AARS1: variants seen among roughly 807,000 people sequenced by gnomAD.
The protein encoded by AARS1 is alanine--tRNA ligase, cytoplasmic.
In AARS1, 72 loss-of-function variants were observed where a neutral mutation model predicts 108.9. The ratio of observed to expected loss-of-function variants is 0.66; its 90% CI spans 0.55 to 0.80. AARS1 has a LOEUF of 0.80. AARS1 is among the 30% of genes least tolerant of loss of function. AARS1 has a pLI of 0.00. For missense variants in AARS1, 1,193 were observed against 1,233.2 expected (o/e 0.97, Z 0.49); for synonymous variants, 489 against 465.7 (o/e 1.05, Z -0.64).
intron 1 of AARS1, 120 bp from the exon 2 acceptor site, chr16:70,282,904 C>A: frequency 2.2e-6 from 2 of 922,774 alleles, no homozygotes; most frequent in East Asian, 2.5e-5. Context: ...CTGTTTGATC[C>A]TAAAACCTCT....
At position 70,271,402 on chromosome 16, in the gene AARS1, C is replaced by T. The variant is rs533068570; in HGVS notation, c.671+379G>A. 2.0e-5 allele frequency among the ~76,000 whole-genome samples: 3 copies of T among 150,816 alleles called. No individual in the cohort carries two copies. In the South Asian group the frequency reaches 6.3e-4, roughly 32 times the overall value. ...AATTAGCCGGGCGTGGTGGCACATG[C>T]CTGTAATCCCAGCTACTCGGAAGGC... On this transcript the variant is annotated intron_variant, in intron 5 of 20. Coordinates refer to ENST00000261772, the MANE Select transcript of AARS1 (RefSeq NM_001605.3).
At chr16:70,288,667 A>C (rs772875356) in intron 1 of AARS1, among the ~76,000 whole-genome samples, 41 of 151,106 alleles carry the variant, frequency 2.7e-4, no homozygotes, top group Non-Finnish European at 4.4e-4. Flanking sequence ...GCCGGGTTCA[A>C]GCGATTCTCA....
Position 70,277,875 on chromosome 16 carries a change from C to G in AARS1, c.145-721G>C, listed in dbSNP as rs564530928. ...TCAAGCGATTCTCTTGCCTCAGCCTCCCAAGTAGCTGAGATTACAGGCACG... is the reference window on the plus strand; with the variant it reads ...TCAAGCGATTCTCTTGCCTCAGCCTGCCAAGTAGCTGAGATTACAGGCACG... On this transcript the variant is annotated intron_variant, in intron 2 of 20. Transcript: ENST00000261772. 7.2e-5 allele frequency among the ~76,000 whole-genome samples: 11 copies of G among 152,052 alleles called. No homozygotes were observed. In the East Asian group the frequency reaches 1.6e-3, roughly 21 times the overall value.
At chr16:70,278,541 G>A (rs867927296) in intron 2 of AARS1, among the ~76,000 whole-genome samples, 2 of 151,436 alleles carry the variant, frequency 1.3e-5, no homozygotes, top group African/African-American at 4.8e-5. Flanking sequence ...CTCCAGCCTG[G>A]GCTACAGAGT....
chr16:70,277,232 G>A lies in AARS1; in HGVS notation c.145-78C>T, dbSNP rs1960572743. On this transcript the variant is annotated intron_variant, in intron 2 of 20. Transcript: ENST00000261772. Reference sequence around the variant, plus strand: ...TGGCCACACACTAGCAGGAAGAGACGACCACACACTAACTGTGCAGTTCAT... The same window carrying A: ...TGGCCACACACTAGCAGGAAGAGACAACCACACACTAACTGTGCAGTTCAT... 1.4e-5 allele frequency: 19 copies of A among 1,358,934 alleles called. No homozygotes were observed. In the Admixed American group the frequency reaches 1.5e-4, roughly 11 times the overall value. The allele number at this position is 1,358,934 out of a possible 1,614,324, so 84.2% of individuals were successfully genotyped here.
intron 4 of AARS1, among the ~76,000 whole-genome samples, chr16:70,272,889 G>GACAC (rs71928705): frequency 0.036 from 5,086 of 140,302 alleles, 119 homozygotes; most frequent in East Asian, 0.076. Context: ...CAGCCTGGGT[G>GACAC]ACACACACAC....
intron 2 of AARS1, among the ~76,000 whole-genome samples, chr16:70,280,839 C>T (rs1242554373): frequency 6.6e-6 from 1 of 151,892 alleles, no homozygotes; most frequent in Admixed American, 6.6e-5. Context: ...CTTTTCTTTC[C>T]TTTTTTGAGA....
At position 70,278,432 on chromosome 16, in the gene AARS1, G is replaced by C. The variant is rs57281906; in HGVS notation, c.145-1278C>G. ...AATGCAAAATTAGCCAGCCATGGTG[G>C]TGCACGCCTGTAATTCCAGCTACTC... On this transcript the variant is annotated intron_variant, in intron 2 of 20. Coordinates refer to ENST00000261772, the MANE Select transcript of AARS1 (RefSeq NM_001605.3). 7.7e-3 allele frequency among the ~76,000 whole-genome samples: 1,176 copies of C among 151,802 alleles called. 15 individuals are homozygous for C. The highest frequency in any genetic ancestry group is 0.027 in the African/African-American group (1,103 of 41,404).
chr16:70,257,543 G>C (rs1341695566), intron 15 of AARS1, among the ~76,000 whole-genome samples: 1 of 152,196 alleles, frequency 6.6e-6, no homozygotes. Flanking sequence ...TGGCAGAAGT[G>C]GCTATCCCAA....
intron 11 of AARS1, 83 bp from the exon 12 acceptor site, chr16:70,262,607 C>G: frequency 7.5e-7 from 1 of 1,331,840 alleles, no homozygotes; most frequent in East Asian, 2.4e-5. Context: ...GCTGGATTCT[C>G]TTTCGCAAAC....
chr16:70,271,902 A>C lies in AARS1; in HGVS notation c.550T>G (p.Cys184Gly). Residue 184 changes from cysteine to glycine, a missense_variant, in exon 5 of 21, where the codon TGT becomes GGT. Coordinates refer to ENST00000261772, the MANE Select transcript of AARS1 (RefSeq NM_001605.3). Reference sequence around the variant, plus strand: ...TAGTGGATCTCACTGCAAGGACCACAGGGGCCCGTGTCACCCATCTCCCAG... The same window carrying C: ...TAGTGGATCTCACTGCAAGGACCACCGGGGCCCGTGTCACCCATCTCCCAG... ...NFWEMGDTGPCGPCSEIHYDR... is the reference protein window; with the variant it reads ...NFWEMGDTGPGGPCSEIHYDR... The C allele has an allele frequency of 6.2e-7, 1 of 1,614,184 alleles. No individual in the cohort carries two copies. Among genetic ancestry groups the C allele is most frequent in the Non-Finnish European group, 8.5e-7 (1 of 1,180,042 alleles).
chr16:70,255,642 G>T lies in AARS1; in HGVS notation c.2286+86C>A. The T allele has an allele frequency of 3.4e-6, 4 of 1,184,508 alleles. No homozygotes were observed. In the South Asian group the frequency reaches 3.8e-5, roughly 11 times the overall value. The allele number at this position is 1,184,508 out of a possible 1,614,324, so 73.4% of individuals were successfully genotyped here. On this transcript the variant is annotated intron_variant, in intron 16 of 20. Coordinates refer to ENST00000261772, the MANE Select transcript of AARS1 (RefSeq NM_001605.3). ...CTTTCACTCTGACTGCAGCAGCCAC[G>T]CAGAGCAGTGTTTGCTCTATGGATT...
rs1597453794 is a variant in AARS1, at chr16:70,289,426, C to T, written c.-27G>A. On this transcript the variant is annotated 5_prime_UTR_variant, in exon 1 of 21. Coordinates refer to ENST00000261772, the MANE Select transcript of AARS1 (RefSeq NM_001605.3). The stretch of plus-strand genomic sequence containing the variant: ...GCTCTCCGAGGGCGGCCTACCTCTC[C>T]TAGGGTCGCCGTCCCCAGCTCCTCC... The T allele has an allele frequency of 7.5e-6, 3 of 402,472 alleles. No homozygotes were observed. The highest frequency in any genetic ancestry group is 7.1e-5 in the East Asian group (1 of 14,064). 24.9% of individuals were successfully genotyped at this position (402,472 alleles called of 1,614,324 possible).
chr16:70,255,486 C>A (rs970321637), intron 16 of AARS1, among the ~76,000 whole-genome samples: 1 of 152,178 alleles, frequency 6.6e-6, no homozygotes. Context: ...GCGTGAGCCA[C>A]TGCGTCCGGC....
chr16:70,262,647 T>C, intron 11 of AARS1, 123 bp from the exon 12 acceptor site: 1 of 1,064,994 alleles, frequency 9.4e-7, no homozygotes. Flanking sequence ...TCCAATTGTA[T>C]TTTGGAAGCA....
chr16:70,257,202 T>C (rs1283603241), intron 15 of AARS1, among the ~76,000 whole-genome samples: 1 of 151,674 alleles, frequency 6.6e-6, no homozygotes, highest in East Asian at 1.9e-4. Flanking sequence ...TTAGCCAAGA[T>C]TGCGCCATTG....
chr16:70,282,611 A>T lies in AARS1; in HGVS notation c.144+9T>A. Reference sequence around the variant, plus strand: ...AACCAAAAGCCAAGAAAAAAGGAAAAACCCTTACCTGGTTCATGCCTGCAT... The same window carrying T: ...AACCAAAAGCCAAGAAAAAAGGAAATACCCTTACCTGGTTCATGCCTGCAT... On this transcript the variant is annotated intron_variant, in intron 2 of 20. Coordinates refer to ENST00000261772, the MANE Select transcript of AARS1 (RefSeq NM_001605.3). 1 of 1,614,092 alleles carries T rather than the reference A, an allele frequency of 6.2e-7. No homozygotes were observed. Among genetic ancestry groups the T allele is most frequent in the South Asian group, 1.1e-5 (1 of 91,078 alleles).
chr16:70,266,992 A>G (rs1179362454), intron 9 of AARS1, among the ~76,000 whole-genome samples: 1 of 151,762 alleles, frequency 6.6e-6, no homozygotes, highest in African/African-American at 2.4e-5. Context: ...GCATGCCACC[A>G]CACCCAGCTA....
rs529835734 is a variant in AARS1, at chr16:70,262,534, G to A, written c.1493-10C>T. On this transcript the variant is annotated splice_polypyrimidine_tract_variant and intron_variant, in intron 11 of 20. Transcript: ENST00000261772. ...ACTGTGTTCTCAAATACTGCTCAAG[G>A]GAAATGCATAGAAAGGGGACAGTGG... 57 of 1,605,144 alleles carry A rather than the reference G, an allele frequency of 3.6e-5. No individual in the cohort carries two copies. Among genetic ancestry groups the A allele is most frequent in the Non-Finnish European group, 4.6e-5 (54 of 1,172,866 alleles).
Sources: allele counts gnomAD v4.1 joint callset (sites outside exome capture counted in the v4.1 genomes callset), GRCh38; gene constraint gnomAD v4.1.1; transcripts MANE v1.5; gene names NCBI Gene and HGNC (gene_info 2026-07-23, HGNC 2026-07-21).